Variants in MGAT4C observed in about 807,000 individuals in gnomAD.
MGAT4C encodes the protein alpha-1,3-mannosyl-glycoprotein 4-beta-N-acetylglucosaminyltransferase C.
MGAT4C carries 19 observed loss-of-function variants against 40.1 expected under a neutral mutation model. The ratio of observed to expected loss-of-function variants is 0.47; its 90% confidence interval spans 0.33 to 0.70. The LOEUF (loss-of-function observed/expected upper bound fraction) is 0.70, where lower values mean the gene tolerates loss of function less well. Among genes scored for constraint, MGAT4C ranks in the 30% least tolerant of loss-of-function variants. The pLI is 0.02. For missense variants in MGAT4C, 491 were observed against 563.2 expected, an observed-to-expected ratio of 0.87 and a Z score of 1.30; for synonymous variants, 181 against 187.1, an observed-to-expected ratio of 0.97 and a Z score of 0.27.
intron 2 of MGAT4C, among the ~76,000 whole-genome samples, chr12:86,508,980 G>A (rs1958522364): frequency 6.6e-6 from 1 of 151,880 alleles, no homozygotes; most frequent in African/African-American, 2.4e-5. Context: ...GATGAGTTAG[G>A]TTGCGAAAAT....
intron 4 of MGAT4C, among the ~76,000 whole-genome samples, chr12:86,316,036 G>A (rs1334176788): frequency 1.1e-5 from 1 of 90,682 alleles, no homozygotes; most frequent in Admixed American, 1.5e-4. Flanking sequence ...AAAGTGGCCA[G>A]AAGACATGAA....
chr12:86,810,001 G>C (rs1339516119), intron 1 of MGAT4C, among the ~76,000 whole-genome samples: 1 of 151,912 alleles, frequency 6.6e-6, no homozygotes, highest in African/African-American at 2.4e-5. Context: ...ATGAACAAAA[G>C]TTGTCTCTTC....
chr12:86,213,291 G>C (rs1246143373), intron 1 of MGAT4C, among the ~76,000 whole-genome samples: 1 of 152,144 alleles, frequency 6.6e-6, no homozygotes, highest in East Asian at 1.9e-4. Flanking sequence ...GAGACCTAAT[G>C]CTGTTTCCCA....
At chr12:86,241,394 C>T (rs1951776844) in intron 1 of MGAT4C, among the ~76,000 whole-genome samples, 1 of 152,170 alleles carries the variant, frequency 6.6e-6, no homozygotes, top group Non-Finnish European at 1.5e-5. Context: ...ACATTTCCAA[C>T]TGGCTGTCTG....
At chr12:86,539,631 C>G (rs1374356716) in intron 2 of MGAT4C, among the ~76,000 whole-genome samples, 3 of 152,102 alleles carry the variant, frequency 2.0e-5, no homozygotes, top group Non-Finnish European at 2.9e-5. Flanking sequence ...CTAGTTTACA[C>G]TCCCACCAAC....
At chr12:86,415,756 T>C (rs1319576427) in intron 3 of MGAT4C, among the ~76,000 whole-genome samples, 1 of 151,982 alleles carries the variant, frequency 6.6e-6, no homozygotes, top group Non-Finnish European at 1.5e-5. Context: ...AGAAAGAACA[T>C]TTGGAAAGGT....
chr12:86,708,900 A>G (rs1364731952), intron 2 of MGAT4C, among the ~76,000 whole-genome samples: 4 of 152,208 alleles, frequency 2.6e-5, no homozygotes, highest in Non-Finnish European at 5.9e-5. Flanking sequence ...GCTCATAGGC[A>G]GAAGGGACTT....
chr12:86,410,514 G>A (rs984308032), intron 3 of MGAT4C, among the ~76,000 whole-genome samples: 1 of 152,098 alleles, frequency 6.6e-6, no homozygotes, highest in Non-Finnish European at 1.5e-5. Flanking sequence ...CAGACCTTTG[G>A]TTGTCTTCCC....
At chr12:86,748,501 C>T (rs572024359) in intron 1 of MGAT4C, among the ~76,000 whole-genome samples, 13 of 151,642 alleles carry the variant, frequency 8.6e-5, no homozygotes, top group African/African-American at 2.9e-4. Flanking sequence ...TTAGGAAATA[C>T]GTGATAAAAA....
At chr12:86,503,979 A>T (rs1261082872) in intron 2 of MGAT4C, among the ~76,000 whole-genome samples, 1 of 151,430 alleles carries the variant, frequency 6.6e-6, no homozygotes, top group Non-Finnish European at 1.5e-5. Context: ...AATAAAGACA[A>T]TTGATGATAT....
rs558143154 is a variant in MGAT4C, at chr12:86,812,717, G to A, written c.-262+25949C>T. On this transcript the variant is annotated intron_variant, in intron 1 of 7. Transcript: ENST00000548651. ...CTATGTTGTTGAATGTGAAGTGTAT[G>A]TCTTCACTTTTCTTAGGGGAAGAGT... Among the ~76,000 whole-genome samples, 10 of 152,088 alleles carry A rather than the reference G, an allele frequency of 6.6e-5. No individual in the cohort carries two copies. In the South Asian group the frequency reaches 1.0e-3, roughly 16 times the overall value.
chr12:86,177,486 T>C (rs1859274991), intron 1 of MGAT4C, among the ~76,000 whole-genome samples: 1 of 152,080 alleles, frequency 6.6e-6, no homozygotes, highest in African/African-American at 2.4e-5. Flanking sequence ...GCTTGCAAAG[T>C]AGAACAGAAA....
chr12:86,459,004 GAGA>G (rs1957552306), intron 2 of MGAT4C, among the ~76,000 whole-genome samples: 1 of 151,868 alleles, frequency 6.6e-6, no homozygotes, highest in African/African-American at 2.4e-5. Context: ...TCGCTTCCTA[GAGA>G]AGAAGTCTAA....
rs531569365 is a variant in MGAT4C at position 86,424,521 on chromosome 12, C to T, written c.-120+10636G>A. ...CCATTCCACCAATTCACTCACCAAACTAATTTCAGAGTCAGATCTGAGCAA... is the reference window on the plus strand; with the variant it reads ...CCATTCCACCAATTCACTCACCAAATTAATTTCAGAGTCAGATCTGAGCAA... On this transcript the variant is annotated intron_variant, in intron 3 of 7. Transcript: ENST00000548651. Among the ~76,000 whole-genome samples, 353 of 152,264 alleles carry T rather than the reference C, an allele frequency of 2.3e-3. 1 individual carries two copies. The highest frequency in any genetic ancestry group is 0.017 in the Middle Eastern group (5 of 294).
chr12:86,669,273 A>G (rs1412540409), intron 2 of MGAT4C, among the ~76,000 whole-genome samples: 1 of 151,850 alleles, frequency 6.6e-6, no homozygotes, highest in Non-Finnish European at 1.5e-5. Context: ...GCTCACCTGG[A>G]ACAGCAGAAT....
At chr12:86,020,660 C>G (rs943735766) in intron 2 of MGAT4C, among the ~76,000 whole-genome samples, 5 of 152,126 alleles carry the variant, frequency 3.3e-5, no homozygotes, top group African/African-American at 7.2e-5. Context: ...CAATACCATC[C>G]AGGACATAGG....
At chr12:86,621,680 G>A (rs935072900) in intron 2 of MGAT4C, among the ~76,000 whole-genome samples, 2 of 152,024 alleles carry the variant, frequency 1.3e-5, no homozygotes, top group East Asian at 3.9e-4. Flanking sequence ...GTCTCACTAT[G>A]TTGTCCAGGC....
chr12:86,009,822 T>C (rs1888279603), intron 2 of MGAT4C, among the ~76,000 whole-genome samples: 1 of 152,200 alleles, frequency 6.6e-6, no homozygotes, highest in Non-Finnish European at 1.5e-5. Flanking sequence ...CTTTCTATCT[T>C]ACTGCTGAAA....
At chr12:86,460,111 G>A (rs1957575827) in intron 2 of MGAT4C, among the ~76,000 whole-genome samples, 1 of 152,090 alleles carries the variant, frequency 6.6e-6, no homozygotes, top group Admixed American at 6.6e-5. Context: ...CACTTAAAAG[G>A]CTGAGGTGGG....
Sources: allele counts gnomAD v4.1 joint callset (sites outside exome capture counted in the v4.1 genomes callset), GRCh38; gene constraint gnomAD v4.1.1; transcripts MANE v1.5; gene names NCBI Gene and HGNC (gene_info 2026-07-23, HGNC 2026-07-21).